The following EPHA6 variants were observed in gnomAD, a reference collection of about 807,000 sequenced individuals.
EPHA6 encodes the protein EPH receptor A6.
EPHA6 carries 50 observed loss-of-function variants against 112.0 expected under a neutral mutation model. The observed-to-expected ratio is 0.45, with a 90% CI of 0.36 to 0.56. The LOEUF is 0.56. Among genes scored for constraint, EPHA6 ranks in the 20% least tolerant of loss-of-function variants. The pLI is 0.00. For synonymous variants in EPHA6, 529 were observed against 490.7 expected (o/e 1.08, Z -1.03); for missense variants, 1,280 against 1,417.4 (o/e 0.90, Z 1.56).
intron 11 of EPHA6, among the ~76,000 whole-genome samples, chr3:97,556,113 C>T (rs1201988051): frequency 6.6e-6 from 1 of 151,920 alleles, no homozygotes; most frequent in Admixed American, 6.6e-5. Flanking sequence ...TCAAATTATC[C>T]AACCTTAAAC....
At chr3:97,329,208 G>T (rs1391263120) in intron 5 of EPHA6, among the ~76,000 whole-genome samples, 3 of 150,906 alleles carry the variant, frequency 2.0e-5, no homozygotes, top group African/African-American at 4.9e-5. Flanking sequence ...TCTTAATCCA[G>T]TCTATCATTG....
chr3:97,486,379 G>T (rs564048419), intron 10 of EPHA6, among the ~76,000 whole-genome samples: 2 of 152,328 alleles, frequency 1.3e-5, no homozygotes, highest in South Asian at 4.1e-4. Flanking sequence ...TGGCCGTACT[G>T]CTCTGTTAAT....
At chr3:97,032,709 T>C (rs2044914699) in intron 3 of EPHA6, among the ~76,000 whole-genome samples, 1 of 151,992 alleles carries the variant, frequency 6.6e-6, no homozygotes, top group African/African-American at 2.4e-5. Context: ...TGAAACTCTC[T>C]GTACCACCCA....
chr3:97,028,296 G>C (rs1252571978), intron 3 of EPHA6, among the ~76,000 whole-genome samples: 3 of 152,068 alleles, frequency 2.0e-5, no homozygotes, highest in Non-Finnish European at 1.5e-5. Flanking sequence ...CCATTTGCAA[G>C]ATGAAGATAA....
intron 7 of EPHA6, among the ~76,000 whole-genome samples, chr3:97,460,060 A>G (rs1413508796): frequency 6.6e-6 from 1 of 152,214 alleles, no homozygotes. Context: ...GGTAATGGTG[A>G]TATGTTAGCA....
chr3:97,177,390 C>CATTTGATCTATAGGGCAGATTA (rs1483722224), intron 3 of EPHA6, among the ~76,000 whole-genome samples: 1 of 151,876 alleles, frequency 6.6e-6, no homozygotes, highest in African/African-American at 2.4e-5. Context: ...CTATTATGTG[C>CATTTGATCTATAGGGCAGATTA]ATTTGATCTA....
At chr3:97,695,258 T>C (rs935552697) in intron 14 of EPHA6, among the ~76,000 whole-genome samples, 1 of 152,176 alleles carries the variant, frequency 6.6e-6, no homozygotes, top group African/African-American at 2.4e-5. Context: ...GATATTCCAG[T>C]GCCAGAACTC....
intron 3 of EPHA6, among the ~76,000 whole-genome samples, chr3:97,017,206 G>A (rs1441413123): frequency 6.6e-6 from 1 of 152,156 alleles, no homozygotes; most frequent in East Asian, 1.9e-4. Flanking sequence ...CACTGGAAGA[G>A]GGTAGGATAT....
At chr3:97,190,613 T>C (rs2077275889) in intron 3 of EPHA6, among the ~76,000 whole-genome samples, 1 of 152,088 alleles carries the variant, frequency 6.6e-6, no homozygotes, top group African/African-American at 2.4e-5. Context: ...AATTGACAAA[T>C]ATAAATTATA....
intron 14 of EPHA6, 64 bp downstream of exon 14, chr3:97,638,146 G>T: frequency 8.3e-7 from 1 of 1,204,768 alleles, no homozygotes; most frequent in South Asian, 1.5e-5. Context: ...TGTCATTAGA[G>T]TAATTCTGTT....
chr3:97,614,517 T>A (rs1462775141), intron 13 of EPHA6, among the ~76,000 whole-genome samples: 2 of 147,336 alleles, frequency 1.4e-5, no homozygotes, highest in Admixed American at 6.7e-5. Flanking sequence ...TTTTTTTTTT[T>A]TTTTTTTTTG....
chr3:97,026,468 T>A (rs1037054161), intron 3 of EPHA6, among the ~76,000 whole-genome samples: 1 of 152,202 alleles, frequency 6.6e-6, no homozygotes, highest in Non-Finnish European at 1.5e-5. Flanking sequence ...CAGAGATCTT[T>A]CACCTTTTGA....
At chr3:96,816,221 AC>A (rs1559744577) in intron 1 of EPHA6, among the ~76,000 whole-genome samples, 1 of 152,224 alleles carries the variant, frequency 6.6e-6, no homozygotes, top group Non-Finnish European at 1.5e-5. Context: ...TCTCATTTAT[AC>A]AGTGGTACTT....
chr3:97,664,712 C>G (rs1576237635), intron 14 of EPHA6, among the ~76,000 whole-genome samples: 1 of 152,036 alleles, frequency 6.6e-6, no homozygotes, highest in Non-Finnish European at 1.5e-5. Flanking sequence ...GAGTGAACTC[C>G]CATTCACAAT....
intron 7 of EPHA6, among the ~76,000 whole-genome samples, chr3:97,466,891 C>G (rs1373096303): frequency 6.6e-6 from 1 of 151,920 alleles, no homozygotes; most frequent in Non-Finnish European, 1.5e-5. Context: ...GATGTTTCCT[C>G]AAGCCACAGT....
At chr3:96,829,938 T>TGCGCGCGCGCGCGCGC (rs368535487) in intron 1 of EPHA6, among the ~76,000 whole-genome samples, 5 of 120,222 alleles carry the variant, frequency 4.2e-5, no homozygotes, top group African/African-American at 1.5e-4. Context: ...CACGTGCATG[T>TGCGCGCGCGCGCGCGC]GCGCGCGCGC....
At chr3:96,909,432 T>A (rs1001158919) in intron 2 of EPHA6, among the ~76,000 whole-genome samples, 22 of 151,966 alleles carry the variant, frequency 1.4e-4, no homozygotes, top group African/African-American at 2.2e-4. Flanking sequence ...TGATTTTTTT[T>A]AATTTTCTAG....
At chr3:97,635,582 T>A (rs1560212929) in intron 13 of EPHA6, among the ~76,000 whole-genome samples, 1 of 152,186 alleles carries the variant, frequency 6.6e-6, no homozygotes, top group South Asian at 2.1e-4. Flanking sequence ...ATTCAAGAGA[T>A]ATCCAGAATA....
At chr3:97,345,874 G>T (rs1402951069) in intron 5 of EPHA6, among the ~76,000 whole-genome samples, 3 of 151,996 alleles carry the variant, frequency 2.0e-5, no homozygotes, top group Non-Finnish European at 4.4e-5. Context: ...AGATTAGTAT[G>T]CTTCTCAAAG....
Sources: allele counts gnomAD v4.1 joint callset (sites outside exome capture counted in the v4.1 genomes callset), GRCh38; gene constraint gnomAD v4.1.1; transcripts MANE v1.5; gene names NCBI Gene and HGNC (gene_info 2026-07-23, HGNC 2026-07-21).